SCLT1: variants seen among roughly 807,000 people sequenced by gnomAD.
The protein encoded by SCLT1 is sodium channel-associated protein 1.
SCLT1 carries 78 observed loss-of-function variants against 112.8 expected under a neutral mutation model. The observed-to-expected ratio is 0.69, with a 90% CI of 0.58 to 0.83. The LOEUF (loss-of-function observed/expected upper bound fraction) is 0.83. Among genes scored for constraint, SCLT1 ranks in the 40% least tolerant of loss-of-function variants. The pLI is 0.00. For synonymous variants in SCLT1, 257 were observed against 254.7 expected (o/e 1.01, Z -0.09); for missense variants, 747 against 770.4 (o/e 0.97, Z 0.36).
intron 10 of SCLT1, among the ~76,000 whole-genome samples, chr4:128,966,284 C>T (rs1161901369): frequency 6.6e-6 from 1 of 151,874 alleles, no homozygotes; most frequent in East Asian, 1.9e-4. Flanking sequence ...CATTTTAATT[C>T]CTCTATTGCT....
At chr4:129,067,190 A>T (rs1237277224) in intron 2 of SCLT1, among the ~76,000 whole-genome samples, 1 of 152,054 alleles carries the variant, frequency 6.6e-6, no homozygotes, top group Admixed American at 6.6e-5. Flanking sequence ...ACACTTAATA[A>T]ATCTTAATAA....
At chr4:128,919,089 T>G (rs1199096007) in intron 18 of SCLT1, among the ~76,000 whole-genome samples, 2 of 152,226 alleles carry the variant, frequency 1.3e-5, no homozygotes, top group South Asian at 2.1e-4. Context: ...TAACAGATAT[T>G]TATAGACCTC....
intron 13 of SCLT1, among the ~76,000 whole-genome samples, chr4:128,954,269 T>C (rs1405813666): frequency 6.6e-6 from 1 of 152,064 alleles, no homozygotes; most frequent in African/African-American, 2.4e-5. Flanking sequence ...AATATGAGTG[T>C]TATCTTTTTG....
intron 9 of SCLT1, among the ~76,000 whole-genome samples, chr4:128,977,688 T>C (rs1741298665): frequency 6.6e-6 from 1 of 151,572 alleles, no homozygotes; most frequent in South Asian, 2.1e-4. Context: ...AATGAAAGAA[T>C]ATGAGAAAGA....
intron 9 of SCLT1, chr4:128,970,855 T>A (rs1325662807): frequency 2.6e-5 from 4 of 156,326 alleles, no homozygotes; most frequent in Non-Finnish European, 4.2e-5. Context: ...GATGGAGATA[T>A]ACTGCTGATT....
intron 5 of SCLT1, among the ~76,000 whole-genome samples, chr4:129,012,786 C>CTT (rs33941543): frequency 0.11 from 16,173 of 145,724 alleles, 954 homozygotes; most frequent in Admixed American, 0.14. Flanking sequence ...AATGCCATTT[C>CTT]TTTTTTTTTT....
At chr4:129,024,072 G>C (rs1380084706) in intron 5 of SCLT1, among the ~76,000 whole-genome samples, 3 of 152,232 alleles carry the variant, frequency 2.0e-5, no homozygotes, top group African/African-American at 4.8e-5. Context: ...ACAGCTCAAG[G>C]AGGCCTGCCT....
chr4:128,885,458 T>C (rs1003283592), intron 20 of SCLT1, among the ~76,000 whole-genome samples: 3 of 152,226 alleles, frequency 2.0e-5, no homozygotes, highest in African/African-American at 4.8e-5. Flanking sequence ...TTTCATCTTG[T>C]GTTTTTCTTC....
chr4:128,893,951 G>A (rs1420550937), intron 18 of SCLT1, among the ~76,000 whole-genome samples: 1 of 150,814 alleles, frequency 6.6e-6, no homozygotes, highest in East Asian at 2.0e-4. Context: ...TTGTTTGTTT[G>A]TTTTTTGAGA....
intron 5 of SCLT1, chr4:129,037,109 A>G (rs1747246209): frequency 6.6e-6 from 1 of 152,004 alleles, no homozygotes; most frequent in South Asian, 2.1e-4. Flanking sequence ...AGGAGATACA[A>G]AGAACAATAA....
chr4:129,005,654 T>C (rs372539132), intron 5 of SCLT1, among the ~76,000 whole-genome samples: 1 of 152,162 alleles, frequency 6.6e-6, no homozygotes, highest in Non-Finnish European at 1.5e-5. Flanking sequence ...GACCCAGCCA[T>C]TGCATTACTG....
intron 2 of SCLT1, among the ~76,000 whole-genome samples, chr4:129,062,862 A>G (rs1022399074): frequency 2.6e-5 from 4 of 152,204 alleles, no homozygotes; most frequent in South Asian, 2.1e-4. Context: ...GTGCCTGAGT[A>G]AAGTCATCTT....
At chr4:128,959,541 T>C in intron 12 of SCLT1, 59 bp downstream of exon 12, 2 of 1,282,804 alleles carry the variant, frequency 1.6e-6, no homozygotes, top group East Asian at 4.6e-5. Flanking sequence ...TACTGTGAGG[T>C]CACATGGGAG....
intron 15 of SCLT1, 61 bp from the exon 16 acceptor site, chr4:128,946,213 T>C: frequency 9.0e-7 from 1 of 1,110,196 alleles, no homozygotes; most frequent in African/African-American, 1.6e-5. Context: ...ATAAACAGTT[T>C]AGAAACAGAA....
intron 9 of SCLT1, among the ~76,000 whole-genome samples, chr4:128,981,737 C>CAA (rs57269555): frequency 2.4e-5 from 2 of 82,738 alleles, no homozygotes; most frequent in African/African-American, 4.6e-5. Context: ...TGCTCTCCCA[C>CAA]AAAAAAAAAA....
chr4:129,056,035 G>A (rs1169457013), intron 2 of SCLT1, among the ~76,000 whole-genome samples: 6 of 152,156 alleles, frequency 3.9e-5, no homozygotes, highest in Non-Finnish European at 8.8e-5. Context: ...CTTGGCTGTG[G>A]GAGGGAGACC....
At chr4:129,026,129 T>C (rs1378829481) in intron 5 of SCLT1, among the ~76,000 whole-genome samples, 4 of 152,158 alleles carry the variant, frequency 2.6e-5, no homozygotes, top group African/African-American at 4.8e-5. Flanking sequence ...CTGTCAACAT[T>C]AGACAGATCA....
chr4:128,942,906 G>T lies in SCLT1; in HGVS notation c.1632+90C>A, dbSNP rs72922006. 1,201 of 864,164 alleles carry T rather than the reference G, an allele frequency of 1.4e-3. 7 individuals carry two copies. The African/African-American group carries it at 0.017, about 12-fold the overall frequency. 53.5% of individuals were successfully genotyped at this position (864,164 alleles called of 1,614,324 possible). On this transcript the variant is annotated intron_variant, in intron 17 of 20. Coordinates refer to ENST00000281142, the MANE Select transcript of SCLT1 (RefSeq NM_144643.4). Reference sequence around the variant, plus strand: ...TCTGATGAGAAGGCAAAAAAAAAGGGGGCCTTAAAGATGTTTTGCTAGGTC... The same window carrying T: ...TCTGATGAGAAGGCAAAAAAAAAGGTGGCCTTAAAGATGTTTTGCTAGGTC...
intron 5 of SCLT1, among the ~76,000 whole-genome samples, chr4:129,014,983 G>A (rs1285171258): frequency 1.3e-5 from 2 of 152,110 alleles, no homozygotes; most frequent in African/African-American, 2.4e-5. Context: ...GTAGGCACAG[G>A]TCTGTGTGCC....
Sources: allele counts gnomAD v4.1 joint callset (sites outside exome capture counted in the v4.1 genomes callset), GRCh38; gene constraint gnomAD v4.1.1; transcripts MANE v1.5; gene names NCBI Gene and HGNC (gene_info 2026-07-23, HGNC 2026-07-21).